PDXDC1: variants seen among roughly 807,000 people sequenced by gnomAD.
PDXDC1 encodes pyridoxal dependent decarboxylase domain containing 1.
In PDXDC1, 42 loss-of-function variants were observed where a neutral mutation model predicts 100.1. The ratio of observed to expected loss-of-function variants is 0.42; its 90% confidence interval spans 0.33 to 0.54. The LOEUF (loss-of-function observed/expected upper bound fraction) is 0.54. Ranked by LOEUF, PDXDC1 falls within the 20% of genes least tolerant of loss-of-function variation. The probability of loss-of-function intolerance (pLI) is 0.10; values close to 1 mark genes in which losing one functional copy is unlikely to be tolerated. For missense variants in PDXDC1, 636 were observed against 979.2 expected, an observed-to-expected ratio of 0.65 and a Z score of 4.68; for synonymous variants, 260 against 371.7, an observed-to-expected ratio of 0.70 and a Z score of 3.46.
chr16:15,150,374 T>A, the PDXDC1 span, among the ~76,000 whole-genome samples: 4 of 147,900 alleles, frequency 2.7e-5, no homozygotes, highest in Non-Finnish European at 6.0e-5. Flanking sequence ...AATAAATAAA[T>A]AAATAAATAA....
chr16:15,066,599 C>T (rs561580114), intron 16 of PDXDC1, among the ~76,000 whole-genome samples: 1 of 151,106 alleles, frequency 6.6e-6, no homozygotes, highest in South Asian at 2.1e-4. Context: ...CGCCACTGTA[C>T]TCCAGCCTGG....
chr16:15,130,448 T>C, intron 16 of PDXDC1: 1 of 1,473,012 alleles, frequency 6.8e-7, no homozygotes, highest in South Asian at 1.1e-5. Flanking sequence ...CCACTGGGTC[T>C]CTGGTCCTGG....
At chr16:15,031,310 C>T (rs988781043) in intron 16 of PDXDC1, among the ~76,000 whole-genome samples, 7 of 152,032 alleles carry the variant, frequency 4.6e-5, no homozygotes, top group Non-Finnish European at 7.4e-5. Context: ...TGAGGCCCGG[C>T]GCTGTCACCA....
intron 5 of PDXDC1, among the ~76,000 whole-genome samples, 178 bp downstream of exon 5, chr16:15,004,511 T>C (rs1973855854): frequency 6.6e-6 from 1 of 152,294 alleles, no homozygotes. Flanking sequence ...ACCTATTTCA[T>C]AGAAGCGTTG....
At chr16:15,142,684 T>C (rs749685434), downstream of PDXDC1, among the ~76,000 whole-genome samples, 1 of 152,128 alleles carries the variant, frequency 6.6e-6, no homozygotes, top group Non-Finnish European at 1.5e-5. Flanking sequence ...CATCTGCTTT[T>C]GCCATCGCCG....
chr16:14,977,927 T>A (rs1414949384), intron 1 of PDXDC1, among the ~76,000 whole-genome samples: 2 of 152,292 alleles, frequency 1.3e-5, no homozygotes, highest in Non-Finnish European at 2.9e-5. Flanking sequence ...TAAAATAATA[T>A]CTCTCACTTT....
intron 16 of PDXDC1, among the ~76,000 whole-genome samples, chr16:15,091,036 G>A (rs1437683020): frequency 2.0e-5 from 3 of 152,160 alleles, no homozygotes; most frequent in Non-Finnish European, 2.9e-5. Flanking sequence ...GGTTCTGGGA[G>A]GCTGTCCTGT....
intron 16 of PDXDC1, chr16:15,133,145 A>T: frequency 1.4e-6 from 1 of 739,318 alleles, no homozygotes; most frequent in Non-Finnish European, 2.3e-6. Flanking sequence ...CTTCAGGGTC[A>T]CTGGGATTTA....
intron 16 of PDXDC1, among the ~76,000 whole-genome samples, chr16:15,052,149 G>A (rs1308782222): frequency 1.3e-5 from 2 of 152,146 alleles, no homozygotes; most frequent in African/African-American, 4.8e-5. Context: ...CTACAAGGCC[G>A]CAGTCTCTGT....
intron 16 of PDXDC1, among the ~76,000 whole-genome samples, chr16:15,056,995 G>A (rs888544847): frequency 7.9e-5 from 12 of 152,222 alleles, no homozygotes; most frequent in South Asian, 2.1e-4. Context: ...GCGTCTCACC[G>A]TGGAGCTCTC....
chr16:15,001,218 G>C (rs1378568383), intron 3 of PDXDC1, among the ~76,000 whole-genome samples: 1 of 152,264 alleles, frequency 6.6e-6, no homozygotes, highest in Non-Finnish European at 1.5e-5. Flanking sequence ...GCTGGGCGTG[G>C]TGGCTCATGC....
At chr16:15,117,680 G>C (rs1406821284) in intron 16 of PDXDC1, among the ~76,000 whole-genome samples, 13 of 114,274 alleles carry the variant, frequency 1.1e-4, no homozygotes, top group Non-Finnish European at 1.3e-4. Context: ...GCAACAGAGG[G>C]AGACTCGTCT....
intron 16 of PDXDC1, among the ~76,000 whole-genome samples, chr16:15,128,884 C>A (rs1323709677): frequency 6.7e-6 from 1 of 149,868 alleles, no homozygotes; most frequent in Non-Finnish European, 1.5e-5. Context: ...CAGCTCACTG[C>A]AAGCTCCGCC....
chr16:15,133,081 C>T (rs1375500188), intron 16 of PDXDC1: 62 of 630,124 alleles, frequency 9.8e-5, no homozygotes, highest in South Asian at 8.6e-4. Flanking sequence ...GGAAAGCAGA[C>T]GCCGGAGAGG....
intron 16 of PDXDC1, among the ~76,000 whole-genome samples, chr16:15,055,079 A>G (rs545367016): frequency 1.3e-5 from 2 of 152,156 alleles, no homozygotes; most frequent in African/African-American, 2.4e-5. Flanking sequence ...ACGTTGCCCA[A>G]CAGATATTAG....
rs927017363 is a variant in PDXDC1 at position 15,036,426 on chromosome 16, C to G, written c.*151C>G. 16 of 729,948 alleles carry G rather than the reference C, an allele frequency of 2.2e-5. No homozygotes were observed. The highest frequency in any genetic ancestry group is 3.4e-5 in the Non-Finnish European group (15 of 447,738). 45.2% of individuals were successfully genotyped at this position (729,948 alleles called of 1,614,324 possible). A position where few individuals can be genotyped will look rare whatever the true frequency, so the allele number is the denominator to read the frequency against. On this transcript the variant is annotated 3_prime_UTR_variant, in exon 23 of 23. Coordinates refer to ENST00000396410, the MANE Select transcript of PDXDC1 (RefSeq NM_015027.4). The stretch of plus-strand genomic sequence containing the variant: ...CACAAATATGTGCCTGAAAGGTAGG[C>G]TTTCTAGGAGGGGAGTCAGCTTGTC...
chr16:15,124,304 G>T (rs562531169), intron 16 of PDXDC1, among the ~76,000 whole-genome samples: 2 of 152,206 alleles, frequency 1.3e-5, no homozygotes, highest in Non-Finnish European at 2.9e-5. Context: ...CAATCACACA[G>T]AGTGTGCCCA....
chr16:15,125,878 C>T, intron 16 of PDXDC1: 1 of 751,802 alleles, frequency 1.3e-6, no homozygotes, highest in East Asian at 2.6e-5. Flanking sequence ...GAAGCCACCT[C>T]CTCAGCAGAC....
chr16:15,152,051 C>A, the PDXDC1 span, among the ~76,000 whole-genome samples: 1 of 149,566 alleles, frequency 6.7e-6, no homozygotes, highest in African/African-American at 2.4e-5. Flanking sequence ...CACGTCTCCC[C>A]ACGGAGCTTC....
Sources: allele counts gnomAD v4.1 joint callset (sites outside exome capture counted in the v4.1 genomes callset), GRCh38; gene constraint gnomAD v4.1.1; transcripts MANE v1.5; gene names NCBI Gene and HGNC (gene_info 2026-07-23, HGNC 2026-07-21).